Variants in GDE1 observed in about 807,000 individuals in gnomAD.
GDE1 encodes the protein glycerophosphodiester phosphodiesterase 1.
A neutral mutation model predicts 32.2 loss-of-function variants in GDE1; 24 were observed. The observed-to-expected ratio is 0.75, with a 90% CI of 0.54 to 1.05. The LOEUF is 1.05. Among genes scored for constraint, GDE1 ranks in the 50% least tolerant of loss-of-function variants. GDE1 has a pLI of 0.00. For synonymous variants in GDE1, 159 were observed against 158.6 expected (o/e 1.00, Z -0.02); for missense variants, 380 against 415.0 (o/e 0.92, Z 0.73).
intron 2 of GDE1, among the ~76,000 whole-genome samples, chr16:19,515,478 G>A (rs553084101): frequency 3.0e-4 from 45 of 152,216 alleles, no homozygotes; most frequent in African/African-American, 1.1e-3. Flanking sequence ...TGGACTCAGT[G>A]CTCCCTTAAA....
intron 2 of GDE1, among the ~76,000 whole-genome samples, chr16:19,512,039 G>T (rs1969324736): frequency 6.6e-6 from 1 of 152,094 alleles, no homozygotes; most frequent in African/African-American, 2.4e-5. Context: ...GGGGGTGCAA[G>T]TATGCCTTTG....
chr16:19,521,430 G>A (rs534347396), intron 1 of GDE1: 3 of 491,248 alleles, frequency 6.1e-6, no homozygotes, highest in Non-Finnish European at 1.1e-5. Context: ...TGTACACTCT[G>A]TAAACCAGGG....
rs560205626 is a variant in GDE1, at chr16:19,503,485, G to C, written c.981C>G (p.Cys327Trp). The change falls in exon 6 of 6, where the codon TGC becomes TGG. Residue 327 changes from cysteine (C) to tryptophan (W), a missense_variant. Transcript: ENST00000353258. Reference sequence around the variant, plus strand: ...CCGTGAAAGTCTAGAAGTGAGGTTCGCAGTCTTCTACCATGCTGTCAGTGA... The same window carrying C: ...CCGTGAAAGTCTAGAAGTGAGGTTCCCAGTCTTCTACCATGCTGTCAGTGA... ...SYITDSMVED[C>W]EPHF 65 of 1,613,384 alleles carry C rather than the reference G, an allele frequency of 4.0e-5. No homozygotes were observed. In the South Asian group the frequency reaches 6.3e-4, roughly 16 times the overall value.
rs181822054 is a variant in GDE1 at position 19,505,580 on chromosome 16, C to T, written c.637-488G>A. Among the ~76,000 whole-genome samples the T allele has an allele frequency of 5.0e-4, 76 of 152,056 alleles. 1 individual carries two copies. Among genetic ancestry groups the T allele is most frequent in the African/African-American group, 1.4e-3 (59 of 41,442 alleles). ...TGGGAAGGGAGAGAAGGGATTGTGA[C>T]GAGAGAATGGGAGAGGACAACAGAG... On this transcript the variant is annotated intron_variant, in intron 4 of 5. Transcript: ENST00000353258.
chr16:19,515,070 A>AAG (rs1046056662), intron 2 of GDE1, among the ~76,000 whole-genome samples: 1 of 147,182 alleles, frequency 6.8e-6, no homozygotes, highest in African/African-American at 2.4e-5. Context: ...CCAACTCAAA[A>AAG]AAAAAAAAAA....
chr16:19,503,708 C>T, intron 5 of GDE1, 91 bp from the exon 6 acceptor site: 5 of 1,042,470 alleles, frequency 4.8e-6, no homozygotes, highest in South Asian at 1.4e-5. Flanking sequence ...TCACTGCATA[C>T]CAATGGTGCC....
intron 1 of GDE1, among the ~76,000 whole-genome samples, chr16:19,520,927 G>A (rs1349500410): frequency 1.3e-5 from 2 of 152,122 alleles, no homozygotes; most frequent in African/African-American, 4.8e-5. Context: ...AAAAGGAGGG[G>A]GCAGAAACTG....
At position 19,521,843 on chromosome 16, in the gene GDE1, A is replaced by G. The variant is rs374811586; in HGVS notation, c.122T>C (p.Leu41Pro). 1.2e-6 allele frequency: 2 copies of G among 1,609,834 alleles called. No individual in the cohort carries two copies. The highest frequency in any genetic ancestry group is 1.3e-5 in the African/African-American group (1 of 74,908). Residue 41 changes from leucine to proline, a missense_variant, in exon 1 of 6, where the codon CTA becomes CCA. Leu to Pro is a moderately conservative substitution (Grantham distance 98). Coordinates refer to ENST00000353258, the MANE Select transcript of GDE1 (RefSeq NM_016641.4). ...CGGCTCAAAGCTGAAGACGCGCAGTAGAACGAAGAGGCTGCCGGTGAGGAG... is the reference window on the plus strand; with the variant it reads ...CGGCTCAAAGCTGAAGACGCGCAGTGGAACGAAGAGGCTGCCGGTGAGGAG... ...ACLLTGSLFV[L>P]LRVFSFEPVP...
chr16:19,513,953 G>A (rs561597294), intron 2 of GDE1, among the ~76,000 whole-genome samples: 12 of 152,286 alleles, frequency 7.9e-5, no homozygotes, highest in South Asian at 2.1e-4. Context: ...ATATCCTGGT[G>A]ACAAGTGAGC....
chr16:19,519,386 G>A (rs1969420403), intron 1 of GDE1, among the ~76,000 whole-genome samples: 1 of 151,508 alleles, frequency 6.6e-6, no homozygotes, highest in Non-Finnish European at 1.5e-5. Flanking sequence ...AAATACTGTA[G>A]CAAGGGCTGA....
At chr16:19,512,567 T>A (rs1300968966) in intron 2 of GDE1, among the ~76,000 whole-genome samples, 1 of 152,202 alleles carries the variant, frequency 6.6e-6, no homozygotes, top group African/African-American at 2.4e-5. Flanking sequence ...TTTAGTTTAA[T>A]ATAGTCACAT....
rs537076289 is a variant in GDE1, at chr16:19,506,592, C to T, written c.636+1095G>A. Reference sequence around the variant, plus strand: ...GCTTGAACCCGGGAGGCAGAGGTTGCGATGAGCCGAGATCATACCACTGGG... The same window carrying T: ...GCTTGAACCCGGGAGGCAGAGGTTGTGATGAGCCGAGATCATACCACTGGG... On this transcript the variant is annotated intron_variant, in intron 4 of 5. Coordinates refer to ENST00000353258, the MANE Select transcript of GDE1 (RefSeq NM_016641.4). Among the ~76,000 whole-genome samples, 8 of 152,142 alleles carry T rather than the reference C, an allele frequency of 5.3e-5. No individual in the cohort carries two copies. In the South Asian group the frequency reaches 6.2e-4, roughly 12 times the overall value.
chr16:19,511,089 T>C (rs985623377), intron 2 of GDE1, 145 bp from the exon 3 acceptor site: 18 of 480,380 alleles, frequency 3.7e-5, no homozygotes, highest in East Asian at 3.4e-5. Flanking sequence ...AGTCCAAAGA[T>C]ACTTTACTTT....
chr16:19,513,071 A>G (rs922534796), intron 2 of GDE1, among the ~76,000 whole-genome samples: 6 of 151,620 alleles, frequency 4.0e-5, no homozygotes, highest in Non-Finnish European at 7.4e-5. Context: ...TTTGTTCAGT[A>G]TTGCTTTAGC....
At chr16:19,520,726 TAA>T (rs761557296) in intron 1 of GDE1, among the ~76,000 whole-genome samples, 34 of 53,954 alleles carry the variant, frequency 6.3e-4, no homozygotes, top group Admixed American at 1.4e-3. Context: ...CTCTGTAAAG[TAA>T]AAAAAAAAAA....
rs374623694 is a variant in GDE1 at position 19,504,968 on chromosome 16, T to C, written c.761A>G (p.Asp254Gly). 4.3e-6 allele frequency: 7 copies of C among 1,613,132 alleles called. 1 individual carries two copies. The highest frequency in any genetic ancestry group is 1.6e-4 in the Middle Eastern group (1 of 6,084). ...FWKHFIFVMM[D>G]ILLDWSMHNI... ...ATGCATGCTCCAATCGAGCAAAATG[T>C]CCATCATAACAAATATAAAATGTTT... is the stretch of plus-strand genomic sequence containing the variant. The change falls in exon 5 of 6, where the codon GAC becomes GGC. Residue 254 changes from aspartate (D) to glycine (G), a missense_variant. Physicochemically the swap from Asp to Gly is moderately conservative, Grantham distance 94 (BLOSUM62 -1). Transcript: ENST00000353258.
At chr16:19,518,498 C>A (rs1969409425) in intron 1 of GDE1, among the ~76,000 whole-genome samples, 1 of 152,146 alleles carries the variant, frequency 6.6e-6, no homozygotes. Context: ...CCCAGGGCTG[C>A]ACAAGCTAGG....
At chr16:19,509,468 T>C (rs1281020936) in intron 3 of GDE1, among the ~76,000 whole-genome samples, 1 of 152,116 alleles carries the variant, frequency 6.6e-6, no homozygotes, top group Non-Finnish European at 1.5e-5. Context: ...ATCTCTTCCC[T>C]AGGGAGAATG....
At chr16:19,509,227 C>T (rs139118804) in intron 3 of GDE1, among the ~76,000 whole-genome samples, 63 of 152,118 alleles carry the variant, frequency 4.1e-4, no homozygotes, top group African/African-American at 1.3e-3. Context: ...GCTTGAACCC[C>T]GGAGGCAGAG....
Sources: allele counts gnomAD v4.1 joint callset (sites outside exome capture counted in the v4.1 genomes callset), GRCh38; gene constraint gnomAD v4.1.1; transcripts MANE v1.5; gene names NCBI Gene and HGNC (gene_info 2026-07-23, HGNC 2026-07-21).